The following TMEM232 variants were observed in gnomAD, a reference collection of about 807,000 sequenced individuals.
TMEM232 encodes transmembrane protein 232.
TMEM232 carries 80 observed loss-of-function variants against 78.8 expected under a neutral mutation model. The observed-to-expected ratio is 1.01, with a 90% CI of 0.85 to 1.22. TMEM232 has a LOEUF of 1.22. Among genes scored for constraint, TMEM232 ranks in the 50% most tolerant of loss-of-function variants. The pLI is 0.00. For missense variants in TMEM232, 881 were observed against 742.2 expected (o/e 1.19, Z -2.17); for synonymous variants, 297 against 254.3 (o/e 1.17, Z -1.60).
intron 2 of TMEM232, among the ~76,000 whole-genome samples, chr5:110,404,293 T>C (rs1220042787): frequency 6.6e-6 from 1 of 152,092 alleles, no homozygotes; most frequent in Non-Finnish European, 1.5e-5. Context: ...CTGAGCCTAC[T>C]GTGTTGTTAG....
intron 12 of TMEM232, among the ~76,000 whole-genome samples, chr5:110,523,969 G>T (rs1421355367): frequency 9.7e-6 from 1 of 103,478 alleles, no homozygotes; most frequent in South Asian, 3.7e-4. Flanking sequence ...AAAAAAAAGG[G>T]GGGGGGGCGG....
At chr5:110,492,976 T>C (rs1453101855) in intron 12 of TMEM232, among the ~76,000 whole-genome samples, 3 of 151,878 alleles carry the variant, frequency 2.0e-5, no homozygotes, top group Non-Finnish European at 2.9e-5. Flanking sequence ...AGATGTGCTA[T>C]GATTGATAAC....
chr5:110,465,988 AT>A (rs1325121328), intron 12 of TMEM232, among the ~76,000 whole-genome samples: 3 of 152,162 alleles, frequency 2.0e-5, no homozygotes, highest in African/African-American at 4.8e-5. Flanking sequence ...GTTGAAAAAA[AT>A]GATCTTTCAT....
chr5:110,609,906 A>T (rs1275905990), intron 8 of TMEM232, among the ~76,000 whole-genome samples: 2 of 152,110 alleles, frequency 1.3e-5, no homozygotes, highest in Admixed American at 6.6e-5. Context: ...CAGTACTCAG[A>T]GAGGGTCATA....
chr5:110,409,007 G>C (rs1012094376), intron 2 of TMEM232, among the ~76,000 whole-genome samples: 2 of 152,074 alleles, frequency 1.3e-5, no homozygotes, highest in African/African-American at 4.8e-5. Flanking sequence ...TTAAATCATG[G>C]AGTTTTGAGA....
chr5:110,719,269 GTA>G (rs528011957), intron 1 of TMEM232, among the ~76,000 whole-genome samples: 3 of 151,244 alleles, frequency 2.0e-5, no homozygotes, highest in Non-Finnish European at 2.9e-5. Flanking sequence ...TATATGTGCT[GTA>G]TATATATATA....
chr5:110,705,763 CGTGT>C (rs139138961), intron 1 of TMEM232, among the ~76,000 whole-genome samples: 10,903 of 125,362 alleles, frequency 0.087, 496 homozygotes, highest in South Asian at 0.21. Flanking sequence ...TATGTGTGTG[CGTGT>C]GTGTGTGTGT....
chr5:110,412,592 A>G (rs557987973), intron 2 of TMEM232, among the ~76,000 whole-genome samples: 6 of 152,204 alleles, frequency 3.9e-5, no homozygotes, highest in African/African-American at 1.4e-4. Context: ...CAGAATAACA[A>G]TGACAAGAAG....
intron 2 of TMEM232, among the ~76,000 whole-genome samples, chr5:110,734,290 C>T (rs1798957242): frequency 6.6e-6 from 1 of 152,130 alleles, no homozygotes; most frequent in Non-Finnish European, 1.5e-5. Flanking sequence ...CTTCTGGAGC[C>T]CAGAGTGAAG....
upstream of TMEM232, among the ~76,000 whole-genome samples, chr5:110,731,120 C>A (rs1367325177): frequency 6.6e-6 from 1 of 152,202 alleles, no homozygotes; most frequent in Non-Finnish European, 1.5e-5. Context: ...AGTCTGAAAT[C>A]CACTGGGGCA....
intron 4 of TMEM232, among the ~76,000 whole-genome samples, chr5:110,639,640 G>C (rs1386834331): frequency 6.6e-6 from 1 of 152,152 alleles, no homozygotes; most frequent in Non-Finnish European, 1.5e-5. Context: ...AAAAAGTACA[G>C]GAAATGTAGC....
intron 8 of TMEM232, among the ~76,000 whole-genome samples, chr5:110,610,001 C>T (rs1781987906): frequency 6.6e-6 from 1 of 151,674 alleles, no homozygotes; most frequent in Non-Finnish European, 1.5e-5. Context: ...GAATAATAAA[C>T]CACAAAGAAA....
At chr5:110,661,306 ATC>A (rs1789757433) in intron 2 of TMEM232, among the ~76,000 whole-genome samples, 2 of 152,084 alleles carry the variant, frequency 1.3e-5, no homozygotes, top group Non-Finnish European at 2.9e-5. Context: ...GAGGACAGAT[ATC>A]TCTTTTATTG....
chr5:110,593,657 T>C (rs1386356340), intron 10 of TMEM232, among the ~76,000 whole-genome samples: 1 of 152,082 alleles, frequency 6.6e-6, no homozygotes, highest in Non-Finnish European at 1.5e-5. Flanking sequence ...AGAATGATGG[T>C]TACTAGAGGC....
At chr5:110,722,548 G>A (rs986802452) in intron 1 of TMEM232, among the ~76,000 whole-genome samples, 1 of 152,172 alleles carries the variant, frequency 6.6e-6, no homozygotes, top group African/African-American at 2.4e-5. Flanking sequence ...CGTCTCCTCA[G>A]AGCTTCCTGT....
intron 1 of TMEM232, among the ~76,000 whole-genome samples, chr5:110,673,934 G>A (rs1208859672): frequency 6.7e-6 from 1 of 149,452 alleles, no homozygotes; most frequent in African/African-American, 2.5e-5. Context: ...TTTCTATAAA[G>A]GCCTGATTAT....
chr5:110,525,178 A>G (rs1240732303), intron 12 of TMEM232, among the ~76,000 whole-genome samples: 1 of 151,802 alleles, frequency 6.6e-6, no homozygotes, highest in Non-Finnish European at 1.5e-5. Context: ...GAAAAAAAAA[A>G]AAGCCCATCC....
chr5:110,450,499 G>T (rs943511039), intron 12 of TMEM232, among the ~76,000 whole-genome samples: 1 of 151,456 alleles, frequency 6.6e-6, no homozygotes, highest in Non-Finnish European at 1.5e-5. Flanking sequence ...TAACTATTGC[G>T]AGTTAATTCA....
intron 8 of TMEM232, chr5:110,610,620 G>C (rs1190486884): frequency 2.3e-6 from 1 of 440,350 alleles, no homozygotes; most frequent in Non-Finnish European, 4.5e-6. Context: ...ACAAGAAAGG[G>C]TGCCAGTTAA....
Sources: gnomAD v4.1 joint callset for allele counts (sites outside exome capture counted in the v4.1 genomes callset) on GRCh38, gnomAD v4.1.1 for gene constraint, MANE v1.5 for transcripts, NCBI Gene and HGNC (gene_info 2026-07-23, HGNC 2026-07-21) for gene names.